SLC20A2: variants seen among roughly 807,000 people sequenced by gnomAD.
The protein encoded by SLC20A2 is solute carrier family 20 member 2, also known as sodium-dependent phosphate transporter 2.
Under a neutral mutation model 61.0 loss-of-function variants are expected in SLC20A2, and 30 were observed. The ratio of observed to expected loss-of-function variants is 0.49; its 90% CI spans 0.37 to 0.67. SLC20A2 has a LOEUF of 0.67. Ranked by LOEUF, SLC20A2 falls within the 30% of genes least tolerant of loss-of-function variation. The pLI is 0.00. For missense variants in SLC20A2, 626 were observed against 866.4 expected (o/e 0.72, Z 3.48); for synonymous variants, 351 against 353.3 (o/e 0.99, Z 0.07).
chr8:42,485,279 C>G lies in SLC20A2; in HGVS notation c.-264-12625G>C, dbSNP rs147552274. 5.6e-3 allele frequency among the ~76,000 whole-genome samples: 859 copies of G among 152,158 alleles called. 3 individuals are homozygous for G. The highest frequency in any genetic ancestry group is 0.02 in the African/African-American group (828 of 41,518). ...GACACAATGCGTACAAATAAAAGAC[C>G]CAGAAAGCACCCCCCTCCAAAAAAG... On this transcript the variant is annotated intron_variant, in intron 1 of 10. Transcript: ENST00000520262.
intron 8 of SLC20A2, among the ~76,000 whole-genome samples, chr8:42,432,470 A>C (rs2130977931): frequency 6.6e-6 from 1 of 152,366 alleles, no homozygotes; most frequent in South Asian, 2.1e-4. Context: ...TTGAGATGAC[A>C]ACAAAGGATT....
chr8:42,522,808 G>A (rs1438084810), intron 1 of SLC20A2, among the ~76,000 whole-genome samples: 3 of 147,942 alleles, frequency 2.0e-5, no homozygotes, highest in African/African-American at 7.3e-5. Context: ...GGGCCCAGGC[G>A]AGCCTCCTGC....
At chr8:42,497,615 C>A (rs1810020603) in intron 1 of SLC20A2, among the ~76,000 whole-genome samples, 1 of 152,044 alleles carries the variant, frequency 6.6e-6, no homozygotes, top group Non-Finnish European at 1.5e-5. Flanking sequence ...ACTTGAAGAA[C>A]AATTCAAGAG....
chr8:42,429,253 C>CTT (rs1585998954), intron 9 of SLC20A2, among the ~76,000 whole-genome samples: 1 of 152,152 alleles, frequency 6.6e-6, no homozygotes, highest in East Asian at 1.9e-4. Context: ...TCTAAACTAT[C>CTT]TTTTATTGAA....
chr8:42,504,130 G>C (rs1445070709), upstream of SLC20A2, among the ~76,000 whole-genome samples: 2 of 151,980 alleles, frequency 1.3e-5, no homozygotes, highest in Non-Finnish European at 2.9e-5. Flanking sequence ...TTGTAGAGAG[G>C]AGGTCTCACC....
At chr8:42,540,516 AAT>A (rs978395469) in intron 1 of SLC20A2, among the ~76,000 whole-genome samples, 3 of 152,208 alleles carry the variant, frequency 2.0e-5, no homozygotes, top group African/African-American at 7.2e-5. Flanking sequence ...ATGTATATAC[AAT>A]ATATATAAAT....
chr8:42,499,804 G>C (rs944775735), intron 1 of SLC20A2, among the ~76,000 whole-genome samples: 3 of 152,176 alleles, frequency 2.0e-5, no homozygotes, highest in African/African-American at 7.2e-5. Flanking sequence ...AGAGGCTTCT[G>C]TTATCATTAT....
At position 42,451,617 on chromosome 8, in the gene SLC20A2, AGAG is replaced by A. The variant is rs377014926; in HGVS notation, c.614-6858_614-6856del. Among the ~76,000 whole-genome samples the A allele has an allele frequency of 6.3e-3, 700 of 111,546 alleles. 12 individuals are homozygous for A. Among genetic ancestry groups the A allele is most frequent in the East Asian group, 0.062 (181 of 2,924 alleles). 73.2% of individuals were successfully genotyped at this position (111,546 alleles called of 152,430 possible). On this transcript the variant is annotated intron_variant, in intron 5 of 10. Transcript: ENST00000520262. ...ATGGAGGAGGAGGAGGAAGAGATGA[AGAG>A]GAGGAGGAGGAAGAGATGAAGAGGA...
At chr8:42,447,628 G>T (rs1009563929) in intron 5 of SLC20A2, among the ~76,000 whole-genome samples, 1 of 152,160 alleles carries the variant, frequency 6.6e-6, no homozygotes, top group Non-Finnish European at 1.5e-5. Flanking sequence ...AGTGAGCCAA[G>T]ATCACGCCAC....
intron 9 of SLC20A2, 124 bp downstream of exon 9, chr8:42,429,940 T>A (rs1803719509): frequency 1.3e-6 from 1 of 745,774 alleles, no homozygotes. Context: ...GCCCACTGTC[T>A]CCTCCTCCCT....
intron 5 of SLC20A2, among the ~76,000 whole-genome samples, chr8:42,446,485 G>A (rs1805224572): frequency 6.6e-6 from 1 of 152,170 alleles, no homozygotes; most frequent in African/African-American, 2.4e-5. Flanking sequence ...ATAATTTGTA[G>A]AACAACTAAT....
chr8:42,448,352 G>C lies in SLC20A2; in HGVS notation c.614-3590C>G, dbSNP rs886653934. Among the ~76,000 whole-genome samples the C allele has an allele frequency of 2.6e-5, 4 of 152,212 alleles. No individual in the cohort carries two copies. In the South Asian group the frequency reaches 8.3e-4, roughly 32 times the overall value. On this transcript the variant is annotated intron_variant, in intron 5 of 10. Coordinates refer to ENST00000520262, the MANE Select transcript of SLC20A2 (RefSeq NM_001257180.2). ...ATTTTAAAAATGAGTGAACGCTTTT[G>C]CTATCAGGCCCTATTTTTACCATTC... is the stretch of plus-strand genomic sequence containing the variant.
At chr8:42,452,852 G>C (rs980900794) in intron 5 of SLC20A2, among the ~76,000 whole-genome samples, 1 of 152,134 alleles carries the variant, frequency 6.6e-6, no homozygotes, top group Non-Finnish European at 1.5e-5. Flanking sequence ...GGAAACGAGT[G>C]AGCAAAGGTT....
intron 8 of SLC20A2, among the ~76,000 whole-genome samples, chr8:42,432,481 T>G (rs1254253290): frequency 1.3e-5 from 2 of 152,238 alleles, no homozygotes; most frequent in African/African-American, 4.8e-5. Context: ...ACAAAGGATT[T>G]AGAATATTCC....
At chr8:42,450,363 G>A (rs1805549427) in intron 5 of SLC20A2, among the ~76,000 whole-genome samples, 1 of 151,914 alleles carries the variant, frequency 6.6e-6, no homozygotes, top group Non-Finnish European at 1.5e-5. Flanking sequence ...AAGTAGCTGG[G>A]ATTATAGGCA....
At position 42,417,691 on chromosome 8, in the gene SLC20A2, C is replaced by A. The variant is rs114729286; in HGVS notation, c.*112G>T. ...CCTGGAAGGGAGGCAGAGAGCTGGT[C>A]ATGAGAGAGCCGTGCACGGCCAGGA... On this transcript the variant is annotated 3_prime_UTR_variant, in exon 11 of 11. Coordinates refer to ENST00000520262, the MANE Select transcript of SLC20A2 (RefSeq NM_001257180.2). 1,601 of 1,194,120 alleles carry A rather than the reference C, an allele frequency of 1.3e-3. 15 individuals carry two copies. In the African/African-American group the frequency reaches 0.02, roughly 15 times the overall value. The allele number at this position is 1,194,120 out of a possible 1,614,324, so 74.0% of individuals were successfully genotyped here. A position where few individuals can be genotyped will look rare whatever the true frequency, so the allele number is the denominator to read the frequency against.
intron 1 of SLC20A2, among the ~76,000 whole-genome samples, chr8:42,525,581 C>CAAAAA (rs34356863): frequency 1.6e-3 from 110 of 68,582 alleles, no homozygotes; most frequent in Middle Eastern, 9.4e-3. Context: ...GACTCTGTCT[C>CAAAAA]AAAAAAAAAA....
intron 1 of SLC20A2, among the ~76,000 whole-genome samples, chr8:42,512,622 A>C (rs1811094681): frequency 6.6e-6 from 1 of 152,204 alleles, no homozygotes. Flanking sequence ...AAGTGCTGGG[A>C]ATACAGGCCT....
upstream of SLC20A2, among the ~76,000 whole-genome samples, chr8:42,501,794 T>C (rs1400521004): frequency 1.3e-5 from 2 of 152,202 alleles, no homozygotes; most frequent in Non-Finnish European, 2.9e-5. Context: ...TGCAAAGGCA[T>C]TGTCCTTGGC....
Sources: allele counts gnomAD v4.1 joint callset (sites outside exome capture counted in the v4.1 genomes callset), GRCh38; gene constraint gnomAD v4.1.1; transcripts MANE v1.5; gene names NCBI Gene and HGNC (gene_info 2026-07-23, HGNC 2026-07-21).